CNKSR3: variants seen among roughly 807,000 people sequenced by gnomAD.
The protein encoded by CNKSR3 is CNKSR family member 3.
Under a neutral mutation model 67.7 loss-of-function variants are expected in CNKSR3, and 36 were observed. The ratio of observed to expected loss-of-function variants is 0.53; its 90% CI spans 0.41 to 0.70. The LOEUF is 0.70. Ranked by LOEUF, CNKSR3 falls within the 30% of genes least tolerant of loss-of-function variation. CNKSR3 has a pLI of 0.00. For missense variants in CNKSR3, 630 were observed against 695.2 expected (o/e 0.91, Z 1.05); for synonymous variants, 281 against 271.4 (o/e 1.04, Z -0.35).
chr6:154,508,766 G>A (rs370862490), intron 1 of CNKSR3, among the ~76,000 whole-genome samples: 6 of 152,140 alleles, frequency 3.9e-5, no homozygotes, highest in East Asian at 1.9e-4. Flanking sequence ...TGACAAACCC[G>A]TTCTCAAGGA....
chr6:154,421,958 C>A (rs1218039000), intron 9 of CNKSR3, among the ~76,000 whole-genome samples: 1 of 151,152 alleles, frequency 6.6e-6, no homozygotes, highest in African/African-American at 2.4e-5. Context: ...AGTGATCATG[C>A]AGAGATTAAC....
rs1021721772 is a variant in CNKSR3, at chr6:154,486,581, C to A, written c.52+23482G>T. On this transcript the variant is annotated intron_variant, in intron 1 of 12. Transcript: ENST00000607772. ...GATCTTGGCTCACTACAACCTCCCC[C>A]TCCTGGGTTCCAGCAATTCTCCTGC... 4.8e-5 allele frequency among the ~76,000 whole-genome samples: 7 copies of A among 146,840 alleles called. No individual in the cohort carries two copies. In the South Asian group the frequency reaches 1.2e-3, roughly 26 times the overall value.
intron 6 of CNKSR3, 130 bp from the exon 7 acceptor site, chr6:154,428,317 A>G (rs1319245593): frequency 1.5e-6 from 1 of 646,506 alleles, no homozygotes; most frequent in African/African-American, 1.8e-5. Flanking sequence ...GCCTCCTGAA[A>G]CATCGAGAAA....
intron 1 of CNKSR3, among the ~76,000 whole-genome samples, chr6:154,474,133 C>A (rs1786391502): frequency 6.6e-6 from 1 of 150,452 alleles, no homozygotes; most frequent in Non-Finnish European, 1.5e-5. Flanking sequence ...AATGGGACAG[C>A]TGGGAGCAGT....
intron 1 of CNKSR3, among the ~76,000 whole-genome samples, chr6:154,505,832 AG>A (rs899161116): frequency 2.0e-5 from 3 of 152,248 alleles, no homozygotes; most frequent in Admixed American, 6.5e-5. Context: ...TACCCACTCG[AG>A]GCTGATCAAC....
chr6:154,433,496 T>C lies in CNKSR3; in HGVS notation c.519A>G (p.Val173=). ...LTTTVQKDCF[V]AEMEDKVLTV... is the part of the protein sequence containing the mutation. Reference sequence around the variant, plus strand: ...TTAAAACTTTATCCTCCATTTCCGCTACAAAGCAATCCTAAAGAAGGGGAT... The same window carrying C: ...TTAAAACTTTATCCTCCATTTCCGCCACAAAGCAATCCTAAAGAAGGGGAT... The change falls in exon 5 of 13, where the codon GTA becomes GTG. Residue 173 remains valine, a synonymous_variant. Coordinates refer to ENST00000607772, the MANE Select transcript of CNKSR3 (RefSeq NM_173515.4). 1 of 1,589,886 alleles carries C rather than the reference T, an allele frequency of 6.3e-7. No individual in the cohort carries two copies. Among genetic ancestry groups the C allele is most frequent in the South Asian group, 1.1e-5 (1 of 88,612 alleles).
At chr6:154,505,778 G>A (rs1413465315) in intron 1 of CNKSR3, among the ~76,000 whole-genome samples, 1 of 148,670 alleles carries the variant, frequency 6.7e-6, no homozygotes, top group East Asian at 2.5e-4. Flanking sequence ...GGGATTACAG[G>A]CGTGAGCCAC....
chr6:154,454,797 C>T (rs1395707784), intron 1 of CNKSR3, among the ~76,000 whole-genome samples: 1 of 151,068 alleles, frequency 6.6e-6, no homozygotes, highest in Admixed American at 6.6e-5. Flanking sequence ...GCTAGGATTA[C>T]AAGTGTGAGC....
chr6:154,487,029 A>G (rs947279418), intron 1 of CNKSR3, among the ~76,000 whole-genome samples: 1 of 151,784 alleles, frequency 6.6e-6, no homozygotes, highest in Non-Finnish European at 1.5e-5. Context: ...CTCCTGCCTC[A>G]GCCTCCTGAG....
intron 1 of CNKSR3, among the ~76,000 whole-genome samples, chr6:154,478,781 T>C (rs1407066653): frequency 6.6e-6 from 1 of 152,250 alleles, no homozygotes; most frequent in East Asian, 1.9e-4. Context: ...CCTGTAAAAC[T>C]ATCTTGACAC....
chr6:154,455,211 C>T (rs1785928701), intron 1 of CNKSR3, among the ~76,000 whole-genome samples: 1 of 151,362 alleles, frequency 6.6e-6, no homozygotes, highest in Non-Finnish European at 1.5e-5. Flanking sequence ...CCCAGCTACT[C>T]GGGATGTTGA....
rs1487149241 is a variant in CNKSR3 at position 154,392,493 on chromosome 6, A to T, written c.*13861T>A. The T allele has an allele frequency of 2.0e-5, 3 of 152,256 alleles. No individual in the cohort carries two copies. Among genetic ancestry groups the T allele is most frequent in the Non-Finnish European group, 4.4e-5 (3 of 68,058 alleles). 9.4% of individuals were successfully genotyped at this position (152,256 alleles called of 1,614,324 possible). ...TGAGAAAAAGCAGTAGAAGGAGTGC[A>T]GGTCCCCTGCTGTCAATTTCATCTG... On this transcript the variant is annotated 3_prime_UTR_variant, in exon 13 of 13. Transcript: ENST00000607772.
chr6:154,463,137 A>T (rs1582880722), intron 1 of CNKSR3, among the ~76,000 whole-genome samples: 1 of 134,710 alleles, frequency 7.4e-6, no homozygotes, highest in Non-Finnish European at 1.5e-5. Flanking sequence ...TTTGAGACGG[A>T]GTCTCGCTCT....
Position 154,406,623 on chromosome 6 carries a change from T to C in CNKSR3, c.1399A>G (p.Asn467Asp), listed in dbSNP as rs1784798188. The C allele has an allele frequency of 6.2e-7, 1 of 1,613,560 alleles. No homozygotes were observed. Among genetic ancestry groups the C allele is most frequent in the African/African-American group, 1.3e-5 (1 of 75,010 alleles). The part of the protein sequence containing the change: ...GEDALCRYFS[N>D]ERIPPIIEES... ...TCAATGATCGGAGGAATCCGCTCGT[T>C]ACTGAAATACCGGCAAAGGGCATCC... Residue 467 changes from asparagine to aspartate, a missense_variant, in exon 13 of 13, where the codon AAC (asparagine) becomes GAC (aspartate). Around this residue, in one of 3 missense-constraint regions of CNKSR3, gnomAD observed 308 missense variants for 299.6 expected, o/e 1.03. Transcript: ENST00000607772.
Position 154,414,409 on chromosome 6 carries a change from G to A in CNKSR3, c.960C>T (p.Pro320=), listed in dbSNP as rs558624920. 59 of 1,595,262 alleles carry A rather than the reference G, an allele frequency of 3.7e-5. No individual in the cohort carries two copies. Among genetic ancestry groups the A allele is most frequent in the Middle Eastern group, 1.7e-4 (1 of 5,982 alleles). The change falls in exon 10 of 13, where the codon CCC becomes CCT. Residue 320 remains proline (P), a synonymous_variant. Coordinates refer to ENST00000607772, the MANE Select transcript of CNKSR3 (RefSeq NM_173515.4). ...KPPLVQTSPP[P]ATTQSPESTM... is the part of the protein sequence containing the mutation. ...TGCTTTCAGGGGACTGGGTTGTCGC[G>A]GGTGGAGGTGAGGTCTGAAACAGGA...
intron 1 of CNKSR3, among the ~76,000 whole-genome samples, chr6:154,465,447 T>TAA (rs943393497): frequency 8.5e-5 from 13 of 152,078 alleles, no homozygotes; most frequent in East Asian, 7.7e-4. Flanking sequence ...TATATATATA[T>TAA]AACCCCTTAA....
chr6:154,430,768 T>A (rs991712146), intron 5 of CNKSR3, among the ~76,000 whole-genome samples, 177 bp from the exon 6 acceptor site: 1 of 152,212 alleles, frequency 6.6e-6, no homozygotes. Flanking sequence ...TCTGTGGGAA[T>A]AGTGCCACTA....
At chr6:154,453,739 C>T (rs1488534068) in intron 1 of CNKSR3, among the ~76,000 whole-genome samples, 1 of 152,114 alleles carries the variant, frequency 6.6e-6, no homozygotes, top group Non-Finnish European at 1.5e-5. Context: ...TACGCAGTCC[C>T]ACAAAGGAGG....
intron 7 of CNKSR3, among the ~76,000 whole-genome samples, chr6:154,424,218 G>T: frequency 7.2e-6 from 1 of 138,580 alleles, no homozygotes; most frequent in South Asian, 2.3e-4. Context: ...GCGACAGAGC[G>T]AGACTCCGTC....
Sources: allele counts gnomAD v4.1 joint callset (sites outside exome capture counted in the v4.1 genomes callset), GRCh38; gene constraint gnomAD v4.1.1; regional missense constraint gnomAD v4.1.1; transcripts MANE v1.5; gene names NCBI Gene and HGNC (gene_info 2026-07-23, HGNC 2026-07-21).